The following NAALADL2 variants were observed in gnomAD, a reference collection of about 807,000 sequenced individuals.
NAALADL2 encodes the protein N-acetylated alpha-linked acidic dipeptidase like 2.
Under a neutral mutation model 87.2 loss-of-function variants are expected in NAALADL2, and 76 were observed. The observed-to-expected ratio is 0.87, with a 90% CI of 0.72 to 1.05. The LOEUF is 1.05. Among genes scored for constraint, NAALADL2 ranks in the 50% least tolerant of loss-of-function variants. The pLI is 0.00. For missense variants in NAALADL2, 1,089 were observed against 945.8 expected (o/e 1.15, Z -1.99); for synonymous variants, 354 against 331.0 (o/e 1.07, Z -0.75).
intron 10 of NAALADL2, among the ~76,000 whole-genome samples, chr3:175,613,924 T>G (rs531888293): frequency 3.9e-5 from 6 of 152,194 alleles, no homozygotes; most frequent in African/African-American, 1.4e-4. Context: ...TTAGGATATA[T>G]CCATCTATAG....
chr3:174,872,395 C>T (rs886292073), intron 1 of NAALADL2, among the ~76,000 whole-genome samples: 15 of 152,184 alleles, frequency 9.9e-5, no homozygotes, highest in Middle Eastern at 3.4e-3. Flanking sequence ...AGCCGGGATT[C>T]GGGATTCAAA....
intron 1 of NAALADL2, among the ~76,000 whole-genome samples, chr3:174,987,986 C>CA (rs1344700395): frequency 7.3e-5 from 11 of 151,268 alleles, no homozygotes; most frequent in Non-Finnish European, 1.3e-4. Flanking sequence ...ATTTTTTAGA[C>CA]CATAGCAATG....
chr3:175,120,364 T>G (rs1462409446), intron 2 of NAALADL2, among the ~76,000 whole-genome samples: 1 of 151,822 alleles, frequency 6.6e-6, no homozygotes, highest in Non-Finnish European at 1.5e-5. Flanking sequence ...CTAAAAGGTA[T>G]GGATTTCTAA....
chr3:175,559,286 T>C (rs56376146), intron 9 of NAALADL2, among the ~76,000 whole-genome samples: 9 of 151,836 alleles, frequency 5.9e-5, no homozygotes, highest in African/African-American at 2.2e-4. Context: ...TATTGTGTAA[T>C]TTTTTTTGAA....
At chr3:175,106,964 A>C (rs891580013) in intron 2 of NAALADL2, among the ~76,000 whole-genome samples, 1 of 152,040 alleles carries the variant, frequency 6.6e-6, no homozygotes, top group African/African-American at 2.4e-5. Context: ...TTTCCAATGG[A>C]TATTTCTAGC....
At chr3:174,740,820 C>T (rs1560186049) in intron 3 of NAALADL2, among the ~76,000 whole-genome samples, 2 of 151,726 alleles carry the variant, frequency 1.3e-5, no homozygotes, top group East Asian at 3.9e-4. Context: ...TAGTTAGAGC[C>T]ATTTTTATGC....
chr3:175,683,783 G>A (rs1240592195), intron 11 of NAALADL2, among the ~76,000 whole-genome samples: 1 of 151,872 alleles, frequency 6.6e-6, no homozygotes, highest in Admixed American at 6.6e-5. Flanking sequence ...AATATATAAG[G>A]TGGTAGTCTT....
upstream of NAALADL2, among the ~76,000 whole-genome samples, chr3:174,856,549 C>T (rs528772900): frequency 2.0e-5 from 3 of 152,218 alleles, no homozygotes; most frequent in South Asian, 6.2e-4. Context: ...ACTTAGGATC[C>T]ATCTCAGTTA....
intron 1 of NAALADL2, among the ~76,000 whole-genome samples, chr3:175,081,965 T>A (rs759023579): frequency 1.3e-5 from 2 of 152,176 alleles, no homozygotes; most frequent in Non-Finnish European, 2.9e-5. Context: ...TGCTAAGTGA[T>A]TGAAATTTTT....
chr3:174,671,929 G>GTGATGATGATGATGATGA (rs57931413), intron 2 of NAALADL2, among the ~76,000 whole-genome samples: 19 of 150,472 alleles, frequency 1.3e-4, no homozygotes, highest in South Asian at 6.4e-4. Flanking sequence ...GTTAACTACT[G>GTGATGATGATGATGATGA]TGATGATGAT....
intron 3 of NAALADL2, among the ~76,000 whole-genome samples, chr3:174,744,353 C>A (rs1159710910): frequency 6.6e-6 from 1 of 151,632 alleles, no homozygotes; most frequent in East Asian, 1.9e-4. Context: ...AAGAAGGCCA[C>A]TAGCATTACA....
chr3:174,785,219 A>C (rs1455957122), intron 3 of NAALADL2, among the ~76,000 whole-genome samples: 15 of 152,108 alleles, frequency 9.9e-5, no homozygotes, highest in Admixed American at 9.8e-4. Flanking sequence ...TACTGTTGCC[A>C]TCCCTTTGTC....
At chr3:175,508,701 C>T (rs996306142) in intron 9 of NAALADL2, among the ~76,000 whole-genome samples, 1 of 152,166 alleles carries the variant, frequency 6.6e-6, no homozygotes, top group African/African-American at 2.4e-5. Flanking sequence ...TTAACTTCCA[C>T]TGCCATAATT....
chr3:175,744,730 A>G (rs1226750452), intron 12 of NAALADL2, among the ~76,000 whole-genome samples: 3 of 152,214 alleles, frequency 2.0e-5, no homozygotes, highest in African/African-American at 7.2e-5. Flanking sequence ...GGAATACAGT[A>G]AAGGGCTAAT....
chr3:174,770,127 C>A (rs1714353428), intron 3 of NAALADL2, among the ~76,000 whole-genome samples: 2 of 152,250 alleles, frequency 1.3e-5, no homozygotes, highest in East Asian at 1.9e-4. Flanking sequence ...CTCATGTACA[C>A]AAACACACAT....
chr3:175,642,487 C>A (rs1020029506), intron 11 of NAALADL2, among the ~76,000 whole-genome samples: 1 of 150,502 alleles, frequency 6.6e-6, no homozygotes, highest in African/African-American at 2.5e-5. Context: ...CCAAGATATT[C>A]ATCACCCAAA....
intron 3 of NAALADL2, among the ~76,000 whole-genome samples, chr3:174,845,977 T>A (rs1724576018): frequency 6.6e-6 from 1 of 152,132 alleles, no homozygotes; most frequent in African/African-American, 2.4e-5. Context: ...GCTCAGGTTG[T>A]CAGAGTAGAG....
intron 2 of NAALADL2, among the ~76,000 whole-genome samples, chr3:175,176,759 G>T (rs1735756295): frequency 6.6e-6 from 1 of 152,024 alleles, no homozygotes; most frequent in African/African-American, 2.4e-5. Flanking sequence ...CGGAGCCAAG[G>T]AATGCAGATG....
intron 2 of NAALADL2, among the ~76,000 whole-genome samples, chr3:174,679,435 T>A (rs932539853): frequency 2.8e-4 from 43 of 152,302 alleles, no homozygotes; most frequent in Non-Finnish European, 1.5e-4. Flanking sequence ...TATGTACAAT[T>A]TCTGTAAACA....
Sources: gnomAD v4.1 joint callset for allele counts (sites outside exome capture counted in the v4.1 genomes callset) on GRCh38, gnomAD v4.1.1 for gene constraint, MANE v1.5 for transcripts, NCBI Gene and HGNC (gene_info 2026-07-23, HGNC 2026-07-21) for gene names.